The following HELQ variants were observed in gnomAD, a reference collection of about 807,000 sequenced individuals.
HELQ encodes the protein helicase POLQ-like.
A neutral mutation model predicts 111.6 loss-of-function variants in HELQ; 77 were observed. That is an observed-to-expected ratio of 0.69 (90% CI 0.57 to 0.83). HELQ has a LOEUF of 0.83. Among genes scored for constraint, HELQ ranks in the 40% least tolerant of loss-of-function variants. The pLI, the probability that HELQ is intolerant of heterozygous loss-of-function variation, is 0.00. For synonymous variants in HELQ, 438 were observed against 454.7 expected, an observed-to-expected ratio of 0.96 and a Z score of 0.47; for missense variants, 1,200 against 1,288.5, an observed-to-expected ratio of 0.93 and a Z score of 1.05.
At chr4:83,454,069 T>C (rs910922779) in intron 1 of HELQ, 124 bp from the exon 2 acceptor site, 3 of 673,024 alleles carry the variant, frequency 4.5e-6, no homozygotes, top group Non-Finnish European at 7.8e-6. Flanking sequence ...CCGGGCATAG[T>C]GGCATGCTCC....
intron 2 of HELQ, among the ~76,000 whole-genome samples, chr4:83,450,656 C>A (rs1721311540): frequency 6.9e-6 from 1 of 143,944 alleles, no homozygotes. Context: ...TGAATACAAT[C>A]TTCACATCAA....
chr4:83,417,932 G>C (rs1363420912), intron 16 of HELQ, among the ~76,000 whole-genome samples, 161 bp downstream of exon 16: 1 of 152,012 alleles, frequency 6.6e-6, no homozygotes, highest in East Asian at 1.9e-4. Context: ...TTTCTGGAAG[G>C]CCATAACAGC....
intron 3 of HELQ, among the ~76,000 whole-genome samples, chr4:83,447,390 C>T (rs1208593236): frequency 6.6e-6 from 1 of 151,876 alleles, no homozygotes; most frequent in African/African-American, 2.4e-5. Context: ...AAGTAAAAAA[C>T]CCCCCATTAG....
intron 6 of HELQ, among the ~76,000 whole-genome samples, chr4:83,442,819 T>TCCCC: frequency 6.6e-6 from 1 of 152,170 alleles, no homozygotes; most frequent in Non-Finnish European, 1.5e-5. Flanking sequence ...CTTAAAGTGT[T>TCCCC]GGCATTGCAG....
At position 83,455,776 on chromosome 4, in the gene HELQ, G is replaced by T; in HGVS notation, c.-83C>A. 1 of 1,358,794 alleles carries T rather than the reference G, an allele frequency of 7.4e-7. No homozygotes were observed. The highest frequency in any genetic ancestry group is 1.0e-6 in the Non-Finnish European group (1 of 989,048). The allele number at this position is 1,358,794 out of a possible 1,614,324, so 84.2% of individuals were successfully genotyped here. ...ATATGGAAGGGAGAGTGGGACGCCG[G>T]AGCCCGCTTCTACATCCACCTTGGG... On this transcript the variant is annotated 5_prime_UTR_variant, in exon 1 of 18. Transcript: ENST00000295488.
chr4:83,447,760 C>T (rs752020323), intron 3 of HELQ, among the ~76,000 whole-genome samples: 29 of 147,130 alleles, frequency 2.0e-4, no homozygotes, highest in Non-Finnish European at 3.3e-4. Context: ...TGGGTGGGGT[C>T]GTGGGGCATG....
chr4:83,412,016 T>C (rs980144690), intron 17 of HELQ, among the ~76,000 whole-genome samples: 3 of 152,100 alleles, frequency 2.0e-5, no homozygotes, highest in Non-Finnish European at 4.4e-5. Context: ...GCAGCAAACA[T>C]GGGTTTATTG....
At chr4:83,407,630 G>T in intron 17 of HELQ, 70 bp from the exon 18 acceptor site, 1 of 913,854 alleles carries the variant, frequency 1.1e-6, no homozygotes, top group Non-Finnish European at 1.8e-6. Context: ...TTTTACCACT[G>T]TCCATTGAAC....
At chr4:83,450,032 C>T (rs1721264979) in intron 2 of HELQ, among the ~76,000 whole-genome samples, 1 of 151,688 alleles carries the variant, frequency 6.6e-6, no homozygotes, top group African/African-American at 2.4e-5. Flanking sequence ...GGTAGTATTA[C>T]TTTTGGGATT....
At chr4:83,409,488 A>G (rs1016086424) in intron 17 of HELQ, among the ~76,000 whole-genome samples, 3 of 152,024 alleles carry the variant, frequency 2.0e-5, no homozygotes, top group Non-Finnish European at 4.4e-5. Flanking sequence ...TGGGAGGCGG[A>G]GCTTGCAGTG....
At chr4:83,427,850 A>T (rs928890821) in intron 12 of HELQ, 130 bp from the exon 13 acceptor site, 2 of 572,690 alleles carry the variant, frequency 3.5e-6, no homozygotes, top group Non-Finnish European at 5.7e-6. Flanking sequence ...ATCTTACTAT[A>T]TAACTATTTT....
chr4:83,418,272 G>T, intron 15 of HELQ, 66 bp from the exon 16 acceptor site: 1 of 832,998 alleles, frequency 1.2e-6, no homozygotes, highest in Non-Finnish European at 1.9e-6. Context: ...TGGTTTGTGT[G>T]ATAGGGGGCT....
intron 12 of HELQ, among the ~76,000 whole-genome samples, chr4:83,428,251 A>C (rs2109983233): frequency 6.6e-6 from 1 of 152,322 alleles, no homozygotes; most frequent in Middle Eastern, 3.4e-3. Flanking sequence ...AACTGGTAGT[A>C]GTAGCTCCTG....
chr4:83,420,965 C>T (rs1179299084), intron 15 of HELQ, among the ~76,000 whole-genome samples: 1 of 151,978 alleles, frequency 6.6e-6, no homozygotes, highest in Admixed American at 6.6e-5. Context: ...TGCCACCACG[C>T]CTGGCTAATT....
intron 6 of HELQ, among the ~76,000 whole-genome samples, chr4:83,442,672 A>G (rs1720838460): frequency 6.6e-6 from 1 of 151,786 alleles, no homozygotes; most frequent in Non-Finnish European, 1.5e-5. Context: ...CGGCCTCCCA[A>G]AGTGCTGGGA....
chr4:83,435,713 T>C (rs1396146118), intron 9 of HELQ, among the ~76,000 whole-genome samples: 1 of 152,134 alleles, frequency 6.6e-6, no homozygotes, highest in Non-Finnish European at 1.5e-5. Context: ...AAATTCTAAG[T>C]AATTGCAACA....
At chr4:83,451,545 A>G (rs947456296) in intron 2 of HELQ, among the ~76,000 whole-genome samples, 3 of 152,146 alleles carry the variant, frequency 2.0e-5, no homozygotes, top group Non-Finnish European at 2.9e-5. Context: ...GGGCGCCTGT[A>G]GTCCCAGCTA....
At chr4:83,434,935 G>GA (rs918005746) in intron 9 of HELQ, among the ~76,000 whole-genome samples, 2 of 151,590 alleles carry the variant, frequency 1.3e-5, no homozygotes, top group South Asian at 2.1e-4. Flanking sequence ...AGAAATAACA[G>GA]AAAAAAAATT....
In HELQ at chr4:83,431,644, A is replaced by C; in HGVS notation, c.2295+20T>G. 3 of 1,354,074 alleles carry C rather than the reference A, an allele frequency of 2.2e-6. No individual in the cohort carries two copies. Among genetic ancestry groups the C allele is most frequent in the Non-Finnish European group, 3.1e-6 (3 of 975,500 alleles). The allele number at this position is 1,354,074 out of a possible 1,614,324, so 83.9% of individuals were successfully genotyped here. Reference sequence around the variant, plus strand: ...TTGTCTCAGATAACAGTAATAAGATAAAAAATTTAAGAAAAATACCTTCAA... The same window carrying C: ...TTGTCTCAGATAACAGTAATAAGATCAAAAATTTAAGAAAAATACCTTCAA... On this transcript the variant is annotated intron_variant, in intron 11 of 17. Transcript: ENST00000295488.
Sources: allele counts gnomAD v4.1 joint callset (sites outside exome capture counted in the v4.1 genomes callset), GRCh38; gene constraint gnomAD v4.1.1; transcripts MANE v1.5; gene names NCBI Gene and HGNC (gene_info 2026-07-23, HGNC 2026-07-21).